Variants in CNTNAP2 observed in about 807,000 individuals in gnomAD.
The protein encoded by CNTNAP2 is contactin associated protein 2, also known as contactin-associated protein-like 2.
Under a neutral mutation model 155.2 loss-of-function variants are expected in CNTNAP2, and 98 were observed. The observed-to-expected ratio is 0.63, with a 90% CI of 0.54 to 0.75. The LOEUF is 0.75. Among genes scored for constraint, CNTNAP2 ranks in the 30% least tolerant of loss-of-function variants. CNTNAP2 has a pLI of 0.00. For synonymous variants in CNTNAP2, 651 were observed against 631.2 expected (o/e 1.03, Z -0.47); for missense variants, 1,727 against 1,688.1 (o/e 1.02, Z -0.40).
intron 8 of CNTNAP2, among the ~76,000 whole-genome samples, chr7:147,290,636 T>C (rs973877116): frequency 2.1e-5 from 3 of 145,694 alleles, no homozygotes; most frequent in Non-Finnish European, 4.4e-5. Context: ...TGGGCTGAGA[T>C]TGCACCACTG....
intron 3 of CNTNAP2, among the ~76,000 whole-genome samples, chr7:146,910,665 C>A (rs373340534): frequency 2.0e-5 from 3 of 149,514 alleles, no homozygotes; most frequent in African/African-American, 5.1e-5. Flanking sequence ...CAAGATGGAT[C>A]AAAGATTTAA....
chr7:147,065,510 AGGAGT>A (rs1175745760), intron 4 of CNTNAP2, among the ~76,000 whole-genome samples: 3 of 152,210 alleles, frequency 2.0e-5, no homozygotes, highest in Admixed American at 2.0e-4. Context: ...AAACAACATT[AGGAGT>A]GGCTGTAGTT....
chr7:147,698,002 C>T (rs542196636), intron 13 of CNTNAP2, among the ~76,000 whole-genome samples: 52 of 152,194 alleles, frequency 3.4e-4, no homozygotes, highest in Non-Finnish European at 4.7e-4. Context: ...TCCAGAAGTT[C>T]GTTAATTACA....
chr7:146,807,332 A>G (rs1364257546), intron 2 of CNTNAP2, among the ~76,000 whole-genome samples: 1 of 152,152 alleles, frequency 6.6e-6, no homozygotes, highest in Non-Finnish European at 1.5e-5. Flanking sequence ...TTTTAATAAT[A>G]TATTTTTTAA....
chr7:147,562,602 T>C (rs1300539602), intron 12 of CNTNAP2, among the ~76,000 whole-genome samples: 1 of 152,176 alleles, frequency 6.6e-6, no homozygotes, highest in African/African-American at 2.4e-5. Context: ...GCTCCAATAT[T>C]CTCACTGTGC....
chr7:148,389,703 T>C (rs975105120), intron 22 of CNTNAP2: 4 of 152,042 alleles, frequency 2.6e-5, no homozygotes, highest in African/African-American at 9.7e-5. Context: ...TCTCTGAACA[T>C]GTGGAGCACC....
intron 8 of CNTNAP2, among the ~76,000 whole-genome samples, chr7:147,206,553 A>G (rs1313185659): frequency 6.6e-6 from 1 of 152,168 alleles, no homozygotes; most frequent in Non-Finnish European, 1.5e-5. Flanking sequence ...CTCTATCTCC[A>G]ATGAATAAAT....
intron 9 of CNTNAP2, 45 bp from the exon 10 acceptor site, chr7:147,395,564 T>G: frequency 6.3e-7 from 1 of 1,597,262 alleles, no homozygotes; most frequent in Non-Finnish European, 8.6e-7. Context: ...TAGTGAAGGT[T>G]ATACTGTACA....
At chr7:146,671,135 T>G (rs1800296548) in intron 1 of CNTNAP2, among the ~76,000 whole-genome samples, 1 of 152,128 alleles carries the variant, frequency 6.6e-6, no homozygotes, top group South Asian at 2.1e-4. Context: ...TAAGAGACTT[T>G]TCTTCTTAAA....
At chr7:148,405,135 A>C (rs1449511247) in intron 22 of CNTNAP2, among the ~76,000 whole-genome samples, 1 of 152,118 alleles carries the variant, frequency 6.6e-6, no homozygotes, top group East Asian at 1.9e-4. Context: ...TCTTCTACCC[A>C]GTATTTCCCT....
intron 1 of CNTNAP2, among the ~76,000 whole-genome samples, chr7:146,301,551 G>C (rs180969279): frequency 2.0e-5 from 3 of 152,010 alleles, no homozygotes; most frequent in African/African-American, 7.2e-5. Context: ...GTGTGAACCC[G>C]GGAGGCGGAG....
chr7:146,972,889 AG>A (rs1210240262), intron 3 of CNTNAP2, among the ~76,000 whole-genome samples: 25 of 152,198 alleles, frequency 1.6e-4, no homozygotes, highest in African/African-American at 5.3e-4. Context: ...CCTCAGTCAG[AG>A]GCACTAATGA....
intron 10 of CNTNAP2, among the ~76,000 whole-genome samples, chr7:147,471,396 G>A (rs1320245435): frequency 2.0e-5 from 3 of 152,162 alleles, no homozygotes; most frequent in Admixed American, 6.5e-5. Flanking sequence ...AATCCTGTTT[G>A]GGGGATGAGG....
At chr7:147,801,781 C>T (rs920090415) in intron 13 of CNTNAP2, among the ~76,000 whole-genome samples, 7 of 152,216 alleles carry the variant, frequency 4.6e-5, no homozygotes, top group African/African-American at 1.2e-4. Flanking sequence ...CCCTTCCCCC[C>T]TTTCCATTCC....
intron 8 of CNTNAP2, among the ~76,000 whole-genome samples, chr7:147,171,183 T>C (rs1488965709): frequency 6.6e-6 from 1 of 152,164 alleles, no homozygotes; most frequent in Non-Finnish European, 1.5e-5. Flanking sequence ...CACCCCTTCC[T>C]CAGGAGCCAT....
At chr7:146,836,490 A>C (rs185075426) in intron 2 of CNTNAP2, among the ~76,000 whole-genome samples, 1 of 152,130 alleles carries the variant, frequency 6.6e-6, no homozygotes, top group East Asian at 1.9e-4. Context: ...AGGGTTTGCT[A>C]TTTTCAAGTA....
chr7:147,319,481 G>C (rs1374603980), intron 9 of CNTNAP2, among the ~76,000 whole-genome samples: 2 of 152,092 alleles, frequency 1.3e-5, no homozygotes, highest in African/African-American at 4.8e-5. Flanking sequence ...AGGTTCAAGT[G>C]ATCCTCCCAC....
intron 14 of CNTNAP2, among the ~76,000 whole-genome samples, chr7:147,919,694 G>A (rs372486176): frequency 2.6e-5 from 4 of 151,408 alleles, no homozygotes; most frequent in South Asian, 4.2e-4. Flanking sequence ...TCCTGAACTC[G>A]TGATCCGCCC....
intron 3 of CNTNAP2, among the ~76,000 whole-genome samples, chr7:146,884,993 CA>C (rs1256778099): frequency 6.6e-6 from 1 of 152,022 alleles, no homozygotes; most frequent in Non-Finnish European, 1.5e-5. Flanking sequence ...AGTTTATAAT[CA>C]ATGGTGGTCT....
Sources: gnomAD v4.1 joint callset for allele counts (sites outside exome capture counted in the v4.1 genomes callset) on GRCh38, gnomAD v4.1.1 for gene constraint, MANE v1.5 for transcripts, NCBI Gene and HGNC (gene_info 2026-07-23, HGNC 2026-07-21) for gene names.